Variants in MTCL3 observed in about 807,000 individuals in gnomAD.
MTCL3 encodes the protein microtubule cross-linking factor 3.
the MTCL3 span, among the ~76,000 whole-genome samples, chr6:127,499,223 T>C: frequency 6.6e-6 from 1 of 152,012 alleles, no homozygotes; most frequent in Non-Finnish European, 1.5e-5. Context: ...ATAACAAAGA[T>C]GGCCTCTATG....
chr6:127,510,536 G>A, the MTCL3 span, among the ~76,000 whole-genome samples: 1 of 152,176 alleles, frequency 6.6e-6, no homozygotes, highest in South Asian at 2.1e-4. Flanking sequence ...TTTAATGGAA[G>A]TAAAATGAAA....
the MTCL3 span, among the ~76,000 whole-genome samples, chr6:127,492,763 C>T: frequency 6.6e-6 from 1 of 152,170 alleles, no homozygotes; most frequent in Admixed American, 6.5e-5. Context: ...ACCTCGTGAT[C>T]CACTCGCCTC....
chr6:127,513,849 A>AT, the MTCL3 span, among the ~76,000 whole-genome samples: 37 of 152,062 alleles, frequency 2.4e-4, no homozygotes, highest in South Asian at 5.6e-3. Context: ...ACATTGTAGG[A>AT]TTTTTTTTCC....
chr6:127,475,824 C>T, the MTCL3 span: 1 of 1,613,238 alleles, frequency 6.2e-7, no homozygotes, highest in Non-Finnish European at 8.5e-7. The surrounding 1 kb of genome is among the most constrained non-coding windows in gnomAD (Gnocchi z 7.3). Flanking sequence ...GGTCGTAGCG[C>T]TGCATGTTGG....
chr6:127,508,799 CT>C, the MTCL3 span, among the ~76,000 whole-genome samples: 1 of 152,170 alleles, frequency 6.6e-6, no homozygotes, highest in African/African-American at 2.4e-5. Flanking sequence ...CCCTTCTTCT[CT>C]TGATGATTAC....
chr6:127,482,275 T>A, the MTCL3 span, among the ~76,000 whole-genome samples: 1 of 152,184 alleles, frequency 6.6e-6, no homozygotes, highest in African/African-American at 2.4e-5. This position sits in a 1 kb window ranked among gnomAD's most constrained non-coding sequence, Gnocchi z 4.1. Context: ...AACAATAGTG[T>A]CATTTTTATC....
At chr6:127,491,878 C>CAAAAAAAAAAAAAAAA in the MTCL3 span, among the ~76,000 whole-genome samples, 1 of 60,774 alleles carries the variant, frequency 1.6e-5, no homozygotes, top group Non-Finnish European at 3.7e-5. Flanking sequence ...GACCCTGTCT[C>CAAAAAAAAAAAAAAAA]AAAAAAAAAA....
At chr6:127,508,249 A>G in the MTCL3 span, among the ~76,000 whole-genome samples, 2 of 152,200 alleles carry the variant, frequency 1.3e-5, no homozygotes, top group African/African-American at 4.8e-5. Flanking sequence ...TATTAGAACC[A>G]AGTGTAGCTA....
the MTCL3 span, among the ~76,000 whole-genome samples, chr6:127,518,253 A>ATGCAAAC: frequency 2.6e-5 from 4 of 152,240 alleles, no homozygotes; most frequent in Non-Finnish European, 5.9e-5. Context: ...TATATTGCCA[A>ATGCAAAC]TGCAAACTTA....
At chr6:127,485,523 T>C in the MTCL3 span, among the ~76,000 whole-genome samples, 1 of 152,142 alleles carries the variant, frequency 6.6e-6, no homozygotes, top group African/African-American at 2.4e-5. Flanking sequence ...TAGACTGTCA[T>C]AGAGATATAC....
chr6:127,508,257 C>G, the MTCL3 span, among the ~76,000 whole-genome samples: 2 of 152,076 alleles, frequency 1.3e-5, no homozygotes, highest in Non-Finnish European at 2.9e-5. Context: ...CCAAGTGTAG[C>G]TATGATCAGT....
the MTCL3 span, chr6:127,481,165 G>T: frequency 4.1e-6 from 2 of 490,514 alleles, no homozygotes; most frequent in Non-Finnish European, 5.3e-6. Flanking sequence ...CAGAGACTAT[G>T]GTTGAAAAGA....
chr6:127,485,623 T>A, the MTCL3 span, among the ~76,000 whole-genome samples: 1 of 152,172 alleles, frequency 6.6e-6, no homozygotes, highest in African/African-American at 2.4e-5. Context: ...GTTCTGGAAA[T>A]GTTTTTTGGT....
chr6:127,516,166 A>G, the MTCL3 span: 3 of 1,438,178 alleles, frequency 2.1e-6, no homozygotes, highest in Admixed American at 5.8e-5. Flanking sequence ...CACGGACTCT[A>G]GCTCCCGAGG....
the MTCL3 span, among the ~76,000 whole-genome samples, chr6:127,505,679 T>C: frequency 0.072 from 10,926 of 152,040 alleles, 464 homozygotes; most frequent in African/African-American, 0.11. Context: ...AGTTAAAAAA[T>C]AAAAAAGATA....
the MTCL3 span, chr6:127,516,786 C>T: frequency 1.7e-6 from 2 of 1,148,658 alleles, no homozygotes; most frequent in Non-Finnish European, 2.4e-6. Context: ...ATTTGGATGG[C>T]GCTTAATAGA....
chr6:127,516,370 C>T, the MTCL3 span: 3 of 1,600,712 alleles, frequency 1.9e-6, no homozygotes, highest in Non-Finnish European at 2.5e-6. Context: ...GGTCTTGTTA[C>T]CCTGCTGTTG....
At chr6:127,512,964 T>G in the MTCL3 span, 2 of 1,612,150 alleles carry the variant, frequency 1.2e-6, no homozygotes, top group Non-Finnish European at 1.7e-6. Flanking sequence ...TTGCCTCAGT[T>G]TCTCATTTTC....
the MTCL3 span, chr6:127,473,401 TA>T: frequency 6.6e-7 from 1 of 1,515,014 alleles, no homozygotes; most frequent in Non-Finnish European, 8.8e-7. Context: ...TCTGGGAAGG[TA>T]AATGCAAAGA....
Sources: gnomAD v4.1 joint callset for allele counts (sites outside exome capture counted in the v4.1 genomes callset) on GRCh38, gnomAD v4.1.1 for gene constraint, Gnocchi (gnomAD v3.1) non-coding constraint, MANE v1.5 for transcripts, NCBI Gene and HGNC (gene_info 2026-07-23, HGNC 2026-07-21) for gene names.